USP33: variants seen among roughly 807,000 people sequenced by gnomAD.
USP33 encodes the protein ubiquitin specific peptidase 33.
Under a neutral mutation model 124.2 loss-of-function variants are expected in USP33, and 46 were observed. The ratio of observed to expected loss-of-function variants is 0.37; its 90% confidence interval spans 0.29 to 0.47. USP33 has a LOEUF of 0.47. Among genes scored for constraint, USP33 ranks in the 20% least tolerant of loss-of-function variants. The probability of loss-of-function intolerance (pLI) is 0.99; values close to 1 mark genes in which losing one functional copy is unlikely to be tolerated. For missense variants in USP33, 851 were observed against 1,070.6 expected (o/e 0.79, Z 2.86); for synonymous variants, 350 against 352.3 (o/e 0.99, Z 0.07).
intron 10 of USP33, among the ~76,000 whole-genome samples, chr1:77,726,507 A>G (rs531738759): frequency 6.6e-5 from 10 of 152,122 alleles, no homozygotes; most frequent in African/African-American, 2.2e-4. Flanking sequence ...TTAGCTGGGC[A>G]TGGTGGTGTA....
chr1:77,705,684 T>C (rs547333644), intron 21 of USP33, among the ~76,000 whole-genome samples: 2 of 151,308 alleles, frequency 1.3e-5, no homozygotes, highest in Non-Finnish European at 2.9e-5. Flanking sequence ...AAAAAAAAAA[T>C]TTTATTAAGG....
At chr1:77,718,740 G>T in intron 15 of USP33, 99 bp from the exon 16 acceptor site, 1 of 943,174 alleles carries the variant, frequency 1.1e-6, no homozygotes, top group Non-Finnish European at 1.6e-6. Context: ...ATCCAGCCTG[G>T]CAAACATGGT....
At chr1:77,755,389 T>A (rs1413005707) in intron 1 of USP33, among the ~76,000 whole-genome samples, 3 of 152,216 alleles carry the variant, frequency 2.0e-5, no homozygotes, top group Non-Finnish European at 2.9e-5. Flanking sequence ...ACAGTAATGC[T>A]TCCATAAAAA....
chr1:77,726,853 A>C (rs1040974074), intron 10 of USP33, among the ~76,000 whole-genome samples: 4 of 152,188 alleles, frequency 2.6e-5, no homozygotes, highest in African/African-American at 9.7e-5. Flanking sequence ...AAATTATAAG[A>C]TGAATCAAGA....
intron 1 of USP33, among the ~76,000 whole-genome samples, chr1:77,749,256 T>C (rs966432912): frequency 6.6e-6 from 1 of 152,234 alleles, no homozygotes; most frequent in Non-Finnish European, 1.5e-5. Context: ...AGATCATTGG[T>C]ATTTGCAAAG....
At chr1:77,725,424 G>T (rs1387076115) in intron 11 of USP33, among the ~76,000 whole-genome samples, 198 bp downstream of exon 11, 1 of 152,142 alleles carries the variant, frequency 6.6e-6, no homozygotes, top group African/African-American at 2.4e-5. Flanking sequence ...AAGAAAAAGT[G>T]AATTCAACTG....
chr1:77,752,106 T>C (rs1053232081), intron 1 of USP33, among the ~76,000 whole-genome samples: 1 of 151,858 alleles, frequency 6.6e-6, no homozygotes, highest in African/African-American at 2.4e-5. Flanking sequence ...ATTTTAATAT[T>C]AGGAAAAGTA....
intron 18 of USP33, 36 bp downstream of exon 18, chr1:77,715,706 G>A: frequency 6.2e-7 from 1 of 1,601,524 alleles, no homozygotes; most frequent in East Asian, 2.2e-5. Flanking sequence ...CAAAATGTGA[G>A]AGATGTCCTT....
At chr1:77,751,977 C>A (rs549408479) in intron 1 of USP33, among the ~76,000 whole-genome samples, 1 of 150,066 alleles carries the variant, frequency 6.7e-6, no homozygotes, top group African/African-American at 2.4e-5. Flanking sequence ...CTTGAGCCAC[C>A]GCGCCGCGCC....
At chr1:77,755,673 G>A (rs1680740912) in intron 1 of USP33, among the ~76,000 whole-genome samples, 1 of 152,214 alleles carries the variant, frequency 6.6e-6, no homozygotes, top group East Asian at 1.9e-4. Flanking sequence ...ACGCCAGGCT[G>A]GGCAAGAGTG....
intron 22 of USP33, among the ~76,000 whole-genome samples, chr1:77,699,834 AAT>A (rs1673803132): frequency 6.6e-6 from 1 of 152,208 alleles, no homozygotes; most frequent in South Asian, 2.1e-4. Context: ...AAATGTGGTA[AAT>A]ATACACTATG....
At chr1:77,728,846 G>C in intron 9 of USP33, 134 bp from the exon 10 acceptor site, 1 of 942,518 alleles carries the variant, frequency 1.1e-6, no homozygotes, top group Non-Finnish European at 1.5e-6. Flanking sequence ...CCAGTTTGGA[G>C]AGCATAAGGC....
intron 10 of USP33, among the ~76,000 whole-genome samples, chr1:77,726,099 G>GA (rs1677131182): frequency 6.6e-6 from 1 of 152,140 alleles, no homozygotes; most frequent in South Asian, 2.1e-4. Flanking sequence ...ACAGGCATGT[G>GA]CCACCAGGCC....
intron 21 of USP33, among the ~76,000 whole-genome samples, chr1:77,702,237 A>G (rs546053704): frequency 6.6e-6 from 1 of 151,312 alleles, no homozygotes; most frequent in East Asian, 1.9e-4. Flanking sequence ...GCATCTATGA[A>G]TAAACAATTC....
At chr1:77,753,508 T>C (rs370898393) in intron 1 of USP33, among the ~76,000 whole-genome samples, 3 of 152,146 alleles carry the variant, frequency 2.0e-5, no homozygotes, top group East Asian at 3.8e-4. Flanking sequence ...AATGTTCGCA[T>C]AAAATAAGTA....
intron 22 of USP33, 138 bp downstream of exon 22, chr1:77,701,231 G>A (rs1438191154): frequency 5.2e-6 from 3 of 581,294 alleles, no homozygotes; most frequent in Non-Finnish European, 8.9e-6. Context: ...AAACTAGAAC[G>A]TAAGATCCCT....
chr1:77,723,976 T>A (rs559867036), intron 11 of USP33, among the ~76,000 whole-genome samples: 3 of 152,066 alleles, frequency 2.0e-5, no homozygotes, highest in African/African-American at 4.8e-5. Flanking sequence ...TTTTTTTTTT[T>A]AAAGTATAAA....
intron 1 of USP33, among the ~76,000 whole-genome samples, chr1:77,757,433 G>A (rs569500307): frequency 7.9e-5 from 12 of 152,322 alleles, no homozygotes; most frequent in Non-Finnish European, 1.3e-4. Flanking sequence ...ATACAATATA[G>A]CACATAATTC....
chr1:77,715,215 CT>C (rs201478590), intron 18 of USP33, among the ~76,000 whole-genome samples: 40 of 151,106 alleles, frequency 2.6e-4, no homozygotes, highest in African/African-American at 8.5e-4. Flanking sequence ...CTTTCTTTTT[CT>C]TTTTTTTTCA....
Sources: gnomAD v4.1 joint callset for allele counts (sites outside exome capture counted in the v4.1 genomes callset) on GRCh38, gnomAD v4.1.1 for gene constraint, MANE v1.5 for transcripts, NCBI Gene and HGNC (gene_info 2026-07-23, HGNC 2026-07-21) for gene names.